Variants in WDR86 observed in about 807,000 individuals in gnomAD.
The protein encoded by WDR86 is WD repeat-containing protein 86.
A neutral mutation model predicts 36.5 loss-of-function variants in WDR86; 30 were observed. The observed-to-expected ratio is 0.82, with a 90% confidence interval of 0.61 to 1.11. The LOEUF (loss-of-function observed/expected upper bound fraction) is 1.11. WDR86 is among the 50% of genes most tolerant of loss of function. The pLI is 0.00. For synonymous variants in WDR86, 255 were observed against 252.9 expected (o/e 1.01, Z -0.08); for missense variants, 545 against 561.2 (o/e 0.97, Z 0.29).
rs1250385545 is a variant in WDR86, at chr7:151,405,254, TC to T, written c.163+4172del. ...ACAAGTGGGAGCCGCAGCTGGAGAC[TC>T]TAGGTCAGGATATGTTCCCCTCCCC... On this transcript the variant is annotated intron_variant, in intron 1 of 5. Coordinates refer to ENST00000334493, the MANE Select transcript of WDR86 (RefSeq NM_198285.3). The surrounding 1 kb of genome is among the most constrained non-coding windows in gnomAD (Gnocchi z 4.7). 2.6e-4 allele frequency among the ~76,000 whole-genome samples: 37 copies of T among 141,208 alleles called. No homozygotes were observed. The highest frequency in any genetic ancestry group is 9.3e-4 in the African/African-American group (33 of 35,584). 92.6% of individuals were successfully genotyped at this position (141,208 alleles called of 152,430 possible). A position where few individuals can be genotyped will look rare whatever the true frequency, so the allele number is the denominator to read the frequency against.
At position 151,400,157 on chromosome 7, in the gene WDR86, T is replaced by C. The variant is rs141384680; in HGVS notation, c.248A>G (p.Asp83Gly). The C allele has an allele frequency of 1.9e-6, 3 of 1,612,532 alleles. No individual in the cohort carries two copies. Among genetic ancestry groups the C allele is most frequent in the Admixed American group, 3.3e-5 (2 of 59,886 alleles). ...CSADCTIRRW[D>G]VLTGQCLQVY... ...CTGCAGACACTGCCCGGTCAGCACG[T>C]CCCACCTCCTGATGGTGCAGTCGGC... Residue 83 changes from aspartate to glycine, a missense_variant, in exon 2 of 6, where the codon GAC (aspartate) becomes GGC (glycine). By Grantham distance (94) the Asp-to-Gly change is moderately conservative. Coordinates refer to ENST00000334493, the MANE Select transcript of WDR86 (RefSeq NM_198285.3).
chr7:151,374,140 G>T, downstream of WDR86: 1 of 1,572,492 alleles, frequency 6.4e-7, no homozygotes, highest in Admixed American at 1.9e-5. Flanking sequence ...AAGAAAAGAC[G>T]CCGCCTCGAG....
Position 151,409,574 on chromosome 7 carries a change from A to ACCCGCCGC in WDR86, c.8_15dup (p.Ser6AlafsTer6). On this transcript the variant is annotated frameshift_variant, in exon 1 of 6. Transcript: ENST00000334493. LOFTEE classifies it high-confidence loss of function. This position sits in a 1 kb window ranked among gnomAD's most constrained non-coding sequence, Gnocchi z 5.2. ...TGGTCGGCGCAGACCCTCAGGGCCG[A>ACCCGCCGC]CCCGCCGCCCCCCATCCCGCTGGCA... 1 of 1,409,048 alleles carries ACCCGCCGC rather than the reference A, an allele frequency of 7.1e-7. No homozygotes were observed. The highest frequency in any genetic ancestry group is 1.5e-5 in the African/African-American group (1 of 66,740). The allele number at this position is 1,409,048 out of a possible 1,614,324, so 87.3% of individuals were successfully genotyped here.
chr7:151,404,068 G>A lies in WDR86; in HGVS notation c.164-3827C>T, dbSNP rs959704429. Among the ~76,000 whole-genome samples, 4 of 152,344 alleles carry A rather than the reference G, an allele frequency of 2.6e-5. No homozygotes were observed. In the East Asian group the frequency reaches 7.7e-4, roughly 29 times the overall value. On this transcript the variant is annotated intron_variant, in intron 1 of 5. Coordinates refer to ENST00000334493, the MANE Select transcript of WDR86 (RefSeq NM_198285.3). ...TGAGCTGTGGCATCTCTACCTGGTGGAACTGAAGCCTGAAGCCAGGGATGC... is the reference window on the plus strand; with the variant it reads ...TGAGCTGTGGCATCTCTACCTGGTGAAACTGAAGCCTGAAGCCAGGGATGC...
At chr7:151,384,149 G>A (rs997251386) in intron 4 of WDR86, among the ~76,000 whole-genome samples, 4 of 152,174 alleles carry the variant, frequency 2.6e-5, no homozygotes, top group Non-Finnish European at 5.9e-5. Context: ...ATATTCCACT[G>A]TGACTCTTCC....
At chr7:151,370,801 T>TTTTG in the WDR86 span, among the ~76,000 whole-genome samples, 1 of 151,776 alleles carries the variant, frequency 6.6e-6, no homozygotes. Context: ...GTGTTTGGTT[T>TTTTG]TTTGTTCTTG....
At chr7:151,379,610 C>T (rs1798462002), downstream of WDR86, among the ~76,000 whole-genome samples, 1 of 152,330 alleles carries the variant, frequency 6.6e-6, no homozygotes, top group Admixed American at 6.5e-5. Flanking sequence ...ATCTGGCCAT[C>T]TTTATGTCCT....
chr7:151,394,920 T>C (rs537651598), intron 3 of WDR86, among the ~76,000 whole-genome samples: 19 of 152,122 alleles, frequency 1.2e-4, no homozygotes, highest in Non-Finnish European at 2.5e-4. Context: ...CCACCAGGCG[T>C]TTTCGTGCCA....
At chr7:151,379,261 G>A (rs1798448119), downstream of WDR86, among the ~76,000 whole-genome samples, 1 of 152,200 alleles carries the variant, frequency 6.6e-6, no homozygotes, top group Non-Finnish European at 1.5e-5. Context: ...GAGGTTGGAT[G>A]CCATTAGAGG....
chr7:151,373,768 C>T (rs555815579), downstream of WDR86, among the ~76,000 whole-genome samples: 10 of 152,254 alleles, frequency 6.6e-5, no homozygotes, highest in South Asian at 1.0e-3. Context: ...ACCTCACACC[C>T]GCGACCTCTG....
At chr7:151,375,819 T>C, downstream of WDR86, 1 of 1,447,146 alleles carries the variant, frequency 6.9e-7, no homozygotes, top group Non-Finnish European at 9.7e-7. Context: ...TTCTTAGTGA[T>C]GGGTAAAGGG....
rs1554421978 is a variant in WDR86, at chr7:151,395,494, G to GGGACACAC, written c.726+281_726+282insGTGTGTCC. 2.0e-4 allele frequency among the ~76,000 whole-genome samples: 29 copies of GGGACACAC among 147,150 alleles called. No homozygotes were observed. In the East Asian group the frequency reaches 2.4e-3, roughly 12 times the overall value. ...TGGTGTCCTTCTAAGAAGAGATTAGGACACACACACACACACACACACACA... is the reference window on the plus strand; with the variant it reads ...TGGTGTCCTTCTAAGAAGAGATTAGGGGACACACACACACACACACACACACACACACA... On this transcript the variant is annotated intron_variant, in intron 3 of 5. Transcript: ENST00000334493.
rs543268525 is a variant in WDR86 at position 151,390,319 on chromosome 7, C to T, written c.727-5096G>A. Among the ~76,000 whole-genome samples the T allele has an allele frequency of 1.2e-4, 18 of 152,176 alleles. No homozygotes were observed. The highest frequency in any genetic ancestry group is 3.9e-4 in the East Asian group (2 of 5,168). ...CCCACATCAGGACCCCATCTGGCCA[C>T]GCCAGGGGCAGCCATCGTGTGTCCC... On this transcript the variant is annotated intron_variant, in intron 3 of 5. Coordinates refer to ENST00000334493, the MANE Select transcript of WDR86 (RefSeq NM_198285.3). This position sits in a 1 kb window ranked among gnomAD's most constrained non-coding sequence, Gnocchi z 4.5.
Position 151,381,189 on chromosome 7 carries a change from T to G in WDR86, c.*393A>C. On this transcript the variant is annotated 3_prime_UTR_variant, in exon 6 of 6. Transcript: ENST00000334493. The surrounding 1 kb of genome is among the most constrained non-coding windows in gnomAD (Gnocchi z 4.8). ...CCTCGAGACGGACGATTTGCCAAAA[T>G]AACCAGGTTCAGTGGCTTCTGTAAA... The G allele has an allele frequency of 8.0e-7, 1 of 1,251,916 alleles. No individual in the cohort carries two copies. Among genetic ancestry groups the G allele is most frequent in the Non-Finnish European group, 1.0e-6 (1 of 1,001,008 alleles). 77.6% of individuals were successfully genotyped at this position (1,251,916 alleles called of 1,614,324 possible).
chr7:151,376,697 G>A (rs370940556), downstream of WDR86: 42 of 1,609,950 alleles, frequency 2.6e-5, no homozygotes, highest in African/African-American at 2.4e-4. Context: ...CAGAGGCAAC[G>A]TCCAGCTGGC....
At chr7:151,392,604 G>A (rs539742786) in intron 3 of WDR86, among the ~76,000 whole-genome samples, 70 of 152,246 alleles carry the variant, frequency 4.6e-4, no homozygotes, top group African/African-American at 1.6e-3. Context: ...CTCCCAGGTC[G>A]GGAGGCCGAG....
In WDR86 at chr7:151,406,148, T is replaced by G. The variant is rs1300603690; in HGVS notation, c.163+3279A>C. ...CAACCGCATTTGAAAGGCAATTCCG[T>G]GTATGAACAAGTGAATGCACCCACA... is the stretch of plus-strand genomic sequence containing the variant. On this transcript the variant is annotated intron_variant, in intron 1 of 5. Transcript: ENST00000334493. This position sits in a 1 kb window ranked among gnomAD's most constrained non-coding sequence, Gnocchi z 4.4. 6.6e-6 allele frequency among the ~76,000 whole-genome samples: 1 copy of G among 152,146 alleles called. No individual in the cohort carries two copies. The highest frequency in any genetic ancestry group is 1.5e-5 in the Non-Finnish European group (1 of 68,022).
In WDR86 at chr7:151,402,070, A is replaced by AAATATATATATATAT; in HGVS notation, c.164-1830_164-1829insATATATATATATATT. ...CTCAAAAAAAAAAAAAAAAAAAAAAAATATATATATATATATATATATCTC... is the reference window on the plus strand; with the variant it reads ...CTCAAAAAAAAAAAAAAAAAAAAAAAAATATATATATATATATATATATATATATATATATATCTC... On this transcript the variant is annotated intron_variant, in intron 1 of 5. Transcript: ENST00000334493. Among the ~76,000 whole-genome samples, 121 of 50,508 alleles carry AAATATATATATATAT rather than the reference A, an allele frequency of 2.4e-3. 1 individual carries two copies. The highest frequency in any genetic ancestry group is 3.7e-3 in the Non-Finnish European group (110 of 29,860). 33.1% of individuals were successfully genotyped at this position (50,508 alleles called of 152,430 possible).
downstream of WDR86, chr7:151,376,818 C>A: frequency 1.3e-6 from 2 of 1,574,256 alleles, no homozygotes; most frequent in South Asian, 2.3e-5. Flanking sequence ...GCAGGTAGGT[C>A]TGAGGTCTTT....
Sources: allele counts gnomAD v4.1 joint callset (sites outside exome capture counted in the v4.1 genomes callset), GRCh38; gene constraint gnomAD v4.1.1; non-coding constraint Gnocchi (gnomAD v3.1); transcripts MANE v1.5; gene names NCBI Gene and HGNC (gene_info 2026-07-23, HGNC 2026-07-21).